Variants in LRP1B observed in about 807,000 individuals in gnomAD.
LRP1B encodes the protein LDL receptor related protein 1B.
Under a neutral mutation model 556.6 loss-of-function variants are expected in LRP1B, and 217 were observed. The ratio of observed to expected loss-of-function variants is 0.39; its 90% CI spans 0.35 to 0.44. The LOEUF (loss-of-function observed/expected upper bound fraction) is 0.44. LRP1B is among the 20% of genes least tolerant of loss of function. The pLI is 1.00. For synonymous variants in LRP1B, 2,047 were observed against 1,865.8 expected (o/e 1.10, Z -2.50); for missense variants, 5,053 against 5,620.8 (o/e 0.90, Z 3.23).
intron 3 of LRP1B, among the ~76,000 whole-genome samples, chr2:141,461,778 C>G (rs1681881777): frequency 6.6e-6 from 1 of 152,172 alleles, no homozygotes; most frequent in Non-Finnish European, 1.5e-5. Context: ...CCTTCCTTTT[C>G]CATACATGAT....
rs1021244 is a variant in LRP1B, at chr2:140,790,198, T to A, written c.5360-13960A>T. Among the ~76,000 whole-genome samples, 809 of 152,242 alleles carry A rather than the reference T, an allele frequency of 5.3e-3. 9 individuals are homozygous for A. The highest frequency in any genetic ancestry group is 0.019 in the African/African-American group (769 of 41,540). On this transcript the variant is annotated intron_variant, in intron 32 of 90. Coordinates refer to ENST00000389484, the MANE Select transcript of LRP1B (RefSeq NM_018557.3). ...TTTTTCACCTCTATCTTCAGCTCCC[T>A]GCAAAAGTATAACATAGATATATAA...
intron 66 of LRP1B, among the ~76,000 whole-genome samples, chr2:140,415,354 G>A (rs1244035349): frequency 6.6e-6 from 1 of 152,084 alleles, no homozygotes; most frequent in African/African-American, 2.4e-5. Context: ...TAGCAGTTCT[G>A]CTTTTTGCCC....
chr2:141,105,080 A>G (rs1700571412), intron 7 of LRP1B, among the ~76,000 whole-genome samples: 2 of 152,120 alleles, frequency 1.3e-5, no homozygotes, highest in Admixed American at 1.3e-4. Context: ...GTAATATCCA[A>G]TAAGTACTAC....
chr2:141,692,854 C>A (rs1411631508), intron 2 of LRP1B, among the ~76,000 whole-genome samples: 4 of 151,896 alleles, frequency 2.6e-5, no homozygotes, highest in African/African-American at 9.7e-5. Flanking sequence ...GTGTATCTAA[C>A]CATAGAAAAA....
At chr2:141,698,982 G>T (rs769664786) in intron 2 of LRP1B, among the ~76,000 whole-genome samples, 1 of 151,838 alleles carries the variant, frequency 6.6e-6, no homozygotes, top group Admixed American at 6.6e-5. Flanking sequence ...TGTGTTAACA[G>T]AGTTAGCTAC....
intron 6 of LRP1B, among the ~76,000 whole-genome samples, chr2:141,190,419 G>A (rs1287855085): frequency 6.6e-6 from 1 of 151,890 alleles, no homozygotes; most frequent in East Asian, 1.9e-4. Flanking sequence ...GAGCTTATCT[G>A]TCTTGACTTG....
At chr2:141,629,824 C>A (rs1241564840) in intron 2 of LRP1B, among the ~76,000 whole-genome samples, 1 of 152,068 alleles carries the variant, frequency 6.6e-6, no homozygotes, top group African/African-American at 2.4e-5. Flanking sequence ...TTCTTATAGA[C>A]AATCCATATT....
chr2:141,561,942 T>C (rs1686169395), intron 2 of LRP1B, among the ~76,000 whole-genome samples: 1 of 152,002 alleles, frequency 6.6e-6, no homozygotes, highest in Non-Finnish European at 1.5e-5. Flanking sequence ...CCATCTCCTA[T>C]GTTTTACTTA....
At chr2:140,794,738 C>A (rs993322347) in intron 32 of LRP1B, among the ~76,000 whole-genome samples, 3 of 151,968 alleles carry the variant, frequency 2.0e-5, no homozygotes, top group African/African-American at 7.2e-5. Context: ...CTCAGCCTCC[C>A]AAGTAGCTGG....
At chr2:141,152,304 G>C (rs1015274229) in intron 7 of LRP1B, among the ~76,000 whole-genome samples, 1 of 151,912 alleles carries the variant, frequency 6.6e-6, no homozygotes, top group African/African-American at 2.4e-5. Context: ...AGCATTTCGG[G>C]ACAATAACTA....
chr2:141,784,601 G>T lies in LRP1B; in HGVS notation c.205+25678C>A, dbSNP rs1010016471. 1.6e-4 allele frequency among the ~76,000 whole-genome samples: 25 copies of T among 151,924 alleles called. No individual in the cohort carries two copies. In the East Asian group the frequency reaches 4.5e-3, roughly 27 times the overall value. On this transcript the variant is annotated intron_variant, in intron 2 of 90. Coordinates refer to ENST00000389484, the MANE Select transcript of LRP1B (RefSeq NM_018557.3). ...ACTCTAGAATCTAGTCTGACTTGTA[G>T]AGACAACAAAAGCCAGAAATATGTT... is the stretch of plus-strand genomic sequence containing the variant.
At chr2:141,716,466 C>T (rs1342903580) in intron 2 of LRP1B, among the ~76,000 whole-genome samples, 1 of 151,790 alleles carries the variant, frequency 6.6e-6, no homozygotes, top group Non-Finnish European at 1.5e-5. Flanking sequence ...TTTTTTAGTG[C>T]TAGAACTCTA....
intron 86 of LRP1B, among the ~76,000 whole-genome samples, chr2:140,269,665 A>G (rs1682371538): frequency 6.6e-6 from 1 of 151,960 alleles, no homozygotes; most frequent in South Asian, 2.1e-4. Context: ...TCCACTCTGG[A>G]CAATCAGATC....
chr2:141,997,254 T>G (rs1020560240), intron 1 of LRP1B, among the ~76,000 whole-genome samples: 2 of 152,060 alleles, frequency 1.3e-5, no homozygotes, highest in Non-Finnish European at 2.9e-5. Context: ...TGGTTTGATA[T>G]TTGTGTTACG....
chr2:140,985,706 C>T (rs1032767548), intron 17 of LRP1B, among the ~76,000 whole-genome samples: 4 of 151,892 alleles, frequency 2.6e-5, no homozygotes, highest in Admixed American at 6.6e-5. Flanking sequence ...TTATTCACTT[C>T]GCCGCATCCT....
chr2:140,841,998 A>C (rs1170844171), intron 29 of LRP1B, among the ~76,000 whole-genome samples: 1 of 152,140 alleles, frequency 6.6e-6, no homozygotes, highest in African/African-American at 2.4e-5. Flanking sequence ...AGTTCTCTAG[A>C]CTACTATTTC....
chr2:141,491,206 A>T (rs571735176), intron 2 of LRP1B, among the ~76,000 whole-genome samples: 26 of 152,142 alleles, frequency 1.7e-4, no homozygotes, highest in Non-Finnish European at 3.7e-4. Context: ...TTTTAAGTGA[A>T]TAAACACATA....
chr2:140,994,210 G>GT (rs1558788327), intron 15 of LRP1B, 75 bp from the exon 16 acceptor site: 2 of 1,368,946 alleles, frequency 1.5e-6, no homozygotes, highest in African/African-American at 2.9e-5. Context: ...ATCTTGTAGA[G>GT]TTTTTTGTTT....
intron 2 of LRP1B, among the ~76,000 whole-genome samples, chr2:141,631,470 A>G (rs1412516490): frequency 6.6e-6 from 1 of 151,788 alleles, no homozygotes. Flanking sequence ...AGACTGGACA[A>G]ACTAGAATGC....
Sources: allele counts gnomAD v4.1 joint callset (sites outside exome capture counted in the v4.1 genomes callset), GRCh38; gene constraint gnomAD v4.1.1; transcripts MANE v1.5; gene names NCBI Gene and HGNC (gene_info 2026-07-23, HGNC 2026-07-21).